Variants in RBFOX1 observed in about 807,000 individuals in gnomAD.
The protein encoded by RBFOX1 is RNA binding protein fox-1 homolog 1.
In RBFOX1, 8 loss-of-function variants were observed where a neutral mutation model predicts 57.7. The ratio of observed to expected loss-of-function variants is 0.14; its 90% CI spans 0.08 to 0.25. The LOEUF is 0.25. Among genes scored for constraint, RBFOX1 ranks in the 10% least tolerant of loss-of-function variants. The pLI, the probability that RBFOX1 is intolerant of heterozygous loss-of-function variation, is 1.00. For synonymous variants in RBFOX1, 326 were observed against 222.4 expected, an observed-to-expected ratio of 1.47 and a Z score of -4.15; for missense variants, 611 against 548.5, an observed-to-expected ratio of 1.11 and a Z score of -1.14.
At chr16:7,505,269 C>G (rs1355246747) in intron 4 of RBFOX1, among the ~76,000 whole-genome samples, 2 of 147,484 alleles carry the variant, frequency 1.4e-5, no homozygotes, top group East Asian at 2.0e-4. Flanking sequence ...GGAAACCAGA[C>G]AAGGTTCCTA....
chr16:5,816,433 C>G (rs2055640611), intron 3 of RBFOX1, among the ~76,000 whole-genome samples: 1 of 152,166 alleles, frequency 6.6e-6, no homozygotes, highest in African/African-American at 2.4e-5. Context: ...ACTGCCAAAA[C>G]CATGCCAGCT....
chr16:6,297,233 C>T (rs890023972), intron 1 of RBFOX1, among the ~76,000 whole-genome samples: 44 of 152,074 alleles, frequency 2.9e-4, no homozygotes, highest in Admixed American at 2.1e-3. Context: ...GTATCTTGTG[C>T]CAACCTCCTA....
At chr16:6,118,655 C>G (rs2096524309) in intron 1 of RBFOX1, among the ~76,000 whole-genome samples, 1 of 147,124 alleles carries the variant, frequency 6.8e-6, no homozygotes, top group Admixed American at 6.9e-5. Flanking sequence ...TTTCTCTTTC[C>G]CTCTCCTTCC....
chr16:7,603,851 T>G (rs933880718), intron 9 of RBFOX1, among the ~76,000 whole-genome samples: 1 of 152,184 alleles, frequency 6.6e-6, no homozygotes, highest in Admixed American at 6.5e-5. Context: ...TATTGAATTC[T>G]GAGTATCAGG....
At chr16:6,633,865 G>C (rs1385934446) in intron 2 of RBFOX1, among the ~76,000 whole-genome samples, 2 of 152,040 alleles carry the variant, frequency 1.3e-5, no homozygotes, top group African/African-American at 2.4e-5. Flanking sequence ...AAATAAATTA[G>C]CCATGCATGG....
At chr16:6,220,781 A>G (rs971542651) in intron 1 of RBFOX1, among the ~76,000 whole-genome samples, 1 of 151,180 alleles carries the variant, frequency 6.6e-6, no homozygotes, top group Non-Finnish European at 1.5e-5. Context: ...TACAATCAGC[A>G]TTAAATTTGT....
chr16:7,511,073 A>T (rs1394215665), intron 4 of RBFOX1, among the ~76,000 whole-genome samples: 2 of 152,224 alleles, frequency 1.3e-5, no homozygotes, highest in African/African-American at 4.8e-5. Context: ...ACATACCCAC[A>T]CAGGAAAATG....
chr16:5,839,433 T>C (rs1436671838), intron 3 of RBFOX1, among the ~76,000 whole-genome samples: 2 of 152,178 alleles, frequency 1.3e-5, no homozygotes, highest in African/African-American at 4.8e-5. Flanking sequence ...CTAAGTGTCC[T>C]ATTGGCATTA....
chr16:5,822,933 C>A (rs1567588281), intron 3 of RBFOX1, among the ~76,000 whole-genome samples: 1 of 152,208 alleles, frequency 6.6e-6, no homozygotes, highest in Non-Finnish European at 1.5e-5. Flanking sequence ...ATGTTGCTTT[C>A]CACATGATAA....
intron 3 of RBFOX1, among the ~76,000 whole-genome samples, chr16:6,695,134 C>T (rs933376646): frequency 6.6e-6 from 1 of 151,936 alleles, no homozygotes; most frequent in Admixed American, 6.6e-5. Context: ...GGAAAAAAAA[C>T]AATGGCCGGG....
At chr16:7,292,801 A>T (rs940253426) in intron 4 of RBFOX1, among the ~76,000 whole-genome samples, 10 of 152,146 alleles carry the variant, frequency 6.6e-5, no homozygotes, top group Non-Finnish European at 1.5e-4. Context: ...CTATGTTTTC[A>T]TCAGTAAGCA....
intron 4 of RBFOX1, among the ~76,000 whole-genome samples, chr16:5,902,032 A>G (rs1304408675): frequency 1.3e-5 from 2 of 152,206 alleles, no homozygotes; most frequent in African/African-American, 4.8e-5. Context: ...ATGTCATAGT[A>G]CTTATAACGT....
chr16:5,532,153 G>A (rs532769418), intron 2 of RBFOX1, among the ~76,000 whole-genome samples: 75 of 152,120 alleles, frequency 4.9e-4, no homozygotes, highest in African/African-American at 1.8e-3. Context: ...ATGTGGCAGC[G>A]GGGGTGGTTT....
At chr16:6,911,688 G>T (rs2071646001) in intron 3 of RBFOX1, among the ~76,000 whole-genome samples, 1 of 152,134 alleles carries the variant, frequency 6.6e-6, no homozygotes, top group African/African-American at 2.4e-5. Flanking sequence ...ATAGCAGACA[G>T]GCAATTCTTT....
At chr16:5,949,655 C>G (rs934762123) in intron 4 of RBFOX1, among the ~76,000 whole-genome samples, 1 of 151,748 alleles carries the variant, frequency 6.6e-6, no homozygotes, top group Non-Finnish European at 1.5e-5. Flanking sequence ...TGGTCTTTTA[C>G]AACAATTAAC....
intron 14 of RBFOX1, 127 bp downstream of exon 14, chr16:7,676,965 G>A: frequency 2.3e-6 from 2 of 883,572 alleles, no homozygotes; most frequent in Non-Finnish European, 3.6e-6. Flanking sequence ...CAAAAGTTAG[G>A]TCCCATGGTG....
At chr16:6,767,870 C>T (rs999509351) in intron 3 of RBFOX1, among the ~76,000 whole-genome samples, 27 of 149,950 alleles carry the variant, frequency 1.8e-4, no homozygotes, top group African/African-American at 5.1e-4. Context: ...GCCGAGATCG[C>T]GCCATTGCAC....
chr16:6,285,776 C>G (rs1243489769), intron 1 of RBFOX1, among the ~76,000 whole-genome samples: 1 of 152,154 alleles, frequency 6.6e-6, no homozygotes, highest in African/African-American at 2.4e-5. Context: ...CTCTGTTTCT[C>G]TCCTGTCCTC....
At chr16:5,726,125 T>C (rs1410407615) in intron 3 of RBFOX1, among the ~76,000 whole-genome samples, 1 of 152,092 alleles carries the variant, frequency 6.6e-6, no homozygotes, top group South Asian at 2.1e-4. Context: ...AATGGGTTTC[T>C]CTGATTTAAA....
Sources: allele counts gnomAD v4.1 joint callset (sites outside exome capture counted in the v4.1 genomes callset), GRCh38; gene constraint gnomAD v4.1.1; transcripts MANE v1.5; gene names NCBI Gene and HGNC (gene_info 2026-07-23, HGNC 2026-07-21).